Variants in ASTN2 observed in about 807,000 individuals in gnomAD.
The protein encoded by ASTN2 is astrotactin-2.
In ASTN2, 54 loss-of-function variants were observed where a neutral mutation model predicts 139.8. The ratio of observed to expected loss-of-function variants is 0.39; its 90% CI spans 0.31 to 0.48. The LOEUF is 0.48. Ranked by LOEUF, ASTN2 falls within the 20% of genes least tolerant of loss-of-function variation. ASTN2 has a pLI of 0.95. For synonymous variants in ASTN2, 756 were observed against 719.5 expected (o/e 1.05, Z -0.81); for missense variants, 1,565 against 1,725.1 (o/e 0.91, Z 1.64).
intron 13 of ASTN2, among the ~76,000 whole-genome samples, chr9:116,798,280 A>G (rs1313300373): frequency 2.0e-5 from 3 of 152,238 alleles, no homozygotes; most frequent in African/African-American, 7.2e-5. Context: ...CAGACAGACA[A>G]ACAAACAAAA....
chr9:117,376,483 G>A (rs1830127409), intron 1 of ASTN2, among the ~76,000 whole-genome samples: 1 of 152,212 alleles, frequency 6.6e-6, no homozygotes, highest in Non-Finnish European at 1.5e-5. Context: ...GTTGATGGGA[G>A]TAGTTGTAGG....
intron 2 of ASTN2, 125 bp from the exon 3 acceptor site, chr9:117,214,867 C>A: frequency 8.7e-7 from 1 of 1,145,680 alleles, no homozygotes. Context: ...CCTCAGGAAC[C>A]ACCAGCCGTG....
intron 3 of ASTN2, among the ~76,000 whole-genome samples, chr9:117,159,476 C>T (rs1387348880): frequency 6.6e-6 from 1 of 152,002 alleles, no homozygotes; most frequent in Non-Finnish European, 1.5e-5. Flanking sequence ...CTGGCCAGAG[C>T]CCATGTGTGG....
intron 6 of ASTN2, among the ~76,000 whole-genome samples, chr9:117,031,420 T>C (rs1159762992): frequency 2.6e-5 from 4 of 152,136 alleles, no homozygotes; most frequent in South Asian, 4.1e-4. Context: ...AGTCTAACCA[T>C]TGAATTAACT....
intron 11 of ASTN2, among the ~76,000 whole-genome samples, chr9:116,853,168 A>G (rs1035470102): frequency 2.0e-5 from 3 of 152,156 alleles, no homozygotes; most frequent in African/African-American, 4.8e-5. Context: ...ACATTTATCT[A>G]AAGTGGGTGA....
At position 117,039,973 on chromosome 9, in the gene ASTN2, C is replaced by G; in HGVS notation, c.1277-8G>C. On this transcript the variant is annotated splice_region_variant and splice_polypyrimidine_tract_variant and intron_variant, in intron 5 of 22. Transcript: ENST00000313400. The stretch of plus-strand genomic sequence containing the variant: ...CTGGGCTTTTCAGCAAACCTGGTAA[C>G]AAGAACATACACAAAGACACAAAAT... The G allele has an allele frequency of 6.2e-7, 1 of 1,604,938 alleles. No homozygotes were observed. Among genetic ancestry groups the G allele is most frequent in the South Asian group, 1.1e-5 (1 of 89,626 alleles).
chr9:117,281,385 C>A (rs928564342), intron 2 of ASTN2, among the ~76,000 whole-genome samples: 4 of 152,138 alleles, frequency 2.6e-5, no homozygotes, highest in African/African-American at 9.7e-5. Flanking sequence ...ACGTGATTCC[C>A]ACCAAATCAA....
intron 10 of ASTN2, among the ~76,000 whole-genome samples, chr9:116,886,488 C>T (rs116110192): frequency 0.028 from 4,263 of 152,244 alleles, 231 homozygotes; most frequent in African/African-American, 0.098. Context: ...CCTCCTACCT[C>T]GGCCTCTGGA....
chr9:116,877,226 G>T (rs1833326760), intron 10 of ASTN2, among the ~76,000 whole-genome samples: 1 of 152,158 alleles, frequency 6.6e-6, no homozygotes, highest in South Asian at 2.1e-4. Flanking sequence ...CCTTTGTTAG[G>T]TGTGCTCTTG....
chr9:116,643,879 G>A lies in ASTN2; in HGVS notation c.3072+7649C>T, dbSNP rs11788462. Among the ~76,000 whole-genome samples, 525 of 152,200 alleles carry A rather than the reference G, an allele frequency of 3.4e-3. 1 individual carries two copies. The highest frequency in any genetic ancestry group is 4.5e-3 in the Non-Finnish European group (307 of 68,010). ...ATTGCACTATTCAAAAATAAATCATGCATTTGTGTAGCATATGTAAGTAAT... is the reference window on the plus strand; with the variant it reads ...ATTGCACTATTCAAAAATAAATCATACATTTGTGTAGCATATGTAAGTAAT... On this transcript the variant is annotated intron_variant, in intron 17 of 22. Coordinates refer to ENST00000313400, the MANE Select transcript of ASTN2 (RefSeq NM_001365068.1).
intron 20 of ASTN2, among the ~76,000 whole-genome samples, chr9:116,479,368 T>C (rs1849094271): frequency 2.0e-5 from 3 of 152,152 alleles, no homozygotes; most frequent in Admixed American, 2.0e-4. Context: ...GTATCCATGG[T>C]GGTGGCCCTG....
chr9:117,062,871 T>C (rs946764525), intron 5 of ASTN2, among the ~76,000 whole-genome samples: 1 of 152,228 alleles, frequency 6.6e-6, no homozygotes, highest in Admixed American at 6.5e-5. Context: ...TAGAAACTTA[T>C]TCATAACCAT....
intron 6 of ASTN2, among the ~76,000 whole-genome samples, chr9:117,025,719 C>T (rs1838049182): frequency 6.6e-6 from 1 of 152,138 alleles, no homozygotes; most frequent in Admixed American, 6.6e-5. Context: ...GACACAGTGA[C>T]ATCTCCTACT....
chr9:116,806,949 T>C (rs1392680556), intron 12 of ASTN2, among the ~76,000 whole-genome samples: 2 of 152,220 alleles, frequency 1.3e-5, no homozygotes, highest in Non-Finnish European at 2.9e-5. Context: ...ATTTCTGCTT[T>C]ACACATAAGC....
At chr9:117,181,081 C>T (rs1831053322) in intron 3 of ASTN2, 1 of 1,213,036 alleles carries the variant, frequency 8.2e-7, no homozygotes, top group Non-Finnish European at 1.2e-6. Flanking sequence ...TTTCCATGGT[C>T]CCTTAAAGCA....
chr9:117,071,207 GT>G (rs1301297493), intron 5 of ASTN2, among the ~76,000 whole-genome samples: 1 of 151,640 alleles, frequency 6.6e-6, no homozygotes, highest in African/African-American at 2.4e-5. Flanking sequence ...TGTCCTTTCT[GT>G]TTGTTAGTTT....
At chr9:117,191,474 G>A (rs1287271915) in intron 3 of ASTN2, among the ~76,000 whole-genome samples, 1 of 152,188 alleles carries the variant, frequency 6.6e-6, no homozygotes, top group Admixed American at 6.5e-5. Flanking sequence ...ACTTTCAAGT[G>A]TTCACTAATG....
intron 17 of ASTN2, 147 bp from the exon 18 acceptor site, chr9:116,620,590 G>T: frequency 2.0e-6 from 2 of 1,009,052 alleles, no homozygotes; most frequent in Non-Finnish European, 3.0e-6. Context: ...TAAGTTCCTT[G>T]CACTCTACTA....
chr9:116,946,407 C>T (rs1835396026), intron 10 of ASTN2, among the ~76,000 whole-genome samples: 1 of 152,044 alleles, frequency 6.6e-6, no homozygotes, highest in Admixed American at 6.6e-5. Flanking sequence ...ATGTTTATTC[C>T]CCCACCCCCA....
Sources: allele counts gnomAD v4.1 joint callset (sites outside exome capture counted in the v4.1 genomes callset), GRCh38; gene constraint gnomAD v4.1.1; transcripts MANE v1.5; gene names NCBI Gene and HGNC (gene_info 2026-07-23, HGNC 2026-07-21).